Variants in NDUFA11 observed in about 807,000 individuals in gnomAD.
NDUFA11 encodes the protein NADH dehydrogenase [ubiquinone] 1 alpha subcomplex subunit 11.
Under a neutral mutation model 11.3 loss-of-function variants are expected in NDUFA11, and 14 were observed. The ratio of observed to expected loss-of-function variants is 1.24; its 90% CI spans 0.82 to 1.94. The LOEUF (loss-of-function observed/expected upper bound fraction) is 1.94. NDUFA11 is among the 30% of genes most tolerant of loss of function. NDUFA11 has a pLI of 0.00. For synonymous variants in NDUFA11, 87 were observed against 85.6 expected (o/e 1.02, Z -0.09); for missense variants, 204 against 200.3 (o/e 1.02, Z -0.11).
At chr19:5,902,176 C>T (rs569048472) in intron 1 of NDUFA11, among the ~76,000 whole-genome samples, 209 of 151,884 alleles carry the variant, frequency 1.4e-3, no homozygotes, top group Non-Finnish European at 2.3e-3. Flanking sequence ...GGGGTTTCAC[C>T]GTGTTAGCCA....
Position 5,896,722 on chromosome 19 carries a change from T to C in NDUFA11, c.191-147A>G, listed in dbSNP as rs2057612158. 1 of 1,310,190 alleles carries C rather than the reference T, an allele frequency of 7.6e-7. No homozygotes were observed. Among genetic ancestry groups the C allele is most frequent in the African/African-American group, 1.5e-5 (1 of 68,622 alleles). 81.2% of individuals were successfully genotyped at this position (1,310,190 alleles called of 1,614,324 possible). On this transcript the variant is annotated intron_variant, in intron 2 of 3. Coordinates refer to ENST00000308961, the MANE Select transcript of NDUFA11 (RefSeq NM_175614.5). This position sits in a 1 kb window ranked among gnomAD's most constrained non-coding sequence, Gnocchi z 5.8. ...AGCCTCCTGGCCCCAGTCCTGGAGC[T>C]GTTCTCCTGGGCCTCCCCACCCTAC... is the stretch of plus-strand genomic sequence containing the variant.
At chr19:5,901,966 C>G (rs1390302252) in intron 1 of NDUFA11, among the ~76,000 whole-genome samples, 6 of 149,340 alleles carry the variant, frequency 4.0e-5, no homozygotes, top group African/African-American at 9.9e-5. Flanking sequence ...CCACCGCGCC[C>G]GGCTGGTTTT....
At chr19:5,893,313 C>T, downstream of NDUFA11, 4 of 1,022,402 alleles carry the variant, frequency 3.9e-6, no homozygotes, top group South Asian at 4.3e-5. This position sits in a 1 kb window ranked among gnomAD's most constrained non-coding sequence, Gnocchi z 4.1. Context: ...AAAATAAAAA[C>T]AATTAGCTGG....
Position 5,903,739 on chromosome 19 carries a change from C to A in NDUFA11, c.-31G>T, listed in dbSNP as rs886054648. On this transcript the variant is annotated 5_prime_UTR_variant, in exon 1 of 4. Transcript: ENST00000308961. ...GCAATCTCGATCCCGCACCACGGAC[C>A]CCGCCAGCTCGGGAAGCGCAAGGGC... is the stretch of plus-strand genomic sequence containing the variant. 3.9e-6 allele frequency: 6 copies of A among 1,548,622 alleles called. No homozygotes were observed. The Admixed American group carries it at 7.8e-5, about 20-fold the overall frequency.
At position 5,894,832 on chromosome 19, in the gene NDUFA11, G is replaced by A. The variant is rs765116887; in HGVS notation, c.336C>T (p.Ala112=). ...GARTHNYGIG[A]AACVYFGIAA... is the part of the protein sequence containing the mutation. ...CTATGCCAAAGTACACGCAGGCGGC[G>A]GCGCCAATCCCGTAGTTGTGCGCTG... is the stretch of plus-strand genomic sequence containing the variant. Residue 112 remains alanine (A), a synonymous_variant, in exon 4 of 4, where the codon GCC becomes GCT. Transcript: ENST00000308961. 7.4e-6 allele frequency: 12 copies of A among 1,611,396 alleles called. No individual in the cohort carries two copies. The highest frequency in any genetic ancestry group is 2.2e-5 in the East Asian group (1 of 44,742).
intron 1 of NDUFA11, among the ~76,000 whole-genome samples, chr19:5,900,910 C>CA (rs1305134254): frequency 0.012 from 597 of 50,770 alleles, 2 homozygotes; most frequent in Middle Eastern, 0.021. Flanking sequence ...GACTCCGTCT[C>CA]AAAAAAAAAA....
In NDUFA11 at chr19:5,898,980, T is replaced by C. The variant is rs182687531; in HGVS notation, c.98-1983A>G. ...TGCTACTGCATCCACGGTAAGGGAC[T>C]GGAGTCCAGTACAGCCGTCCCCCCA... On this transcript the variant is annotated intron_variant, in intron 1 of 3. Transcript: ENST00000308961. Among the ~76,000 whole-genome samples, 917 of 151,408 alleles carry C rather than the reference T, an allele frequency of 6.1e-3. 7 individuals are homozygous for C. Among genetic ancestry groups the C allele is most frequent in the South Asian group, 0.041 (194 of 4,786 alleles).
intron 1 of NDUFA11, among the ~76,000 whole-genome samples, chr19:5,898,190 G>A (rs1568431477): frequency 6.6e-6 from 1 of 152,060 alleles, no homozygotes; most frequent in Admixed American, 6.6e-5. Flanking sequence ...GAGCCTGGAC[G>A]CCAGGCAGGT....
rs73920085 is a variant in NDUFA11, at chr19:5,900,458, C to T, written c.97+3154G>A. ...TGGGCTCTGCTGAGTATAGTCTCCC[C>T]GCCGTCCAGGGTCCCCAACTCAGGG... On this transcript the variant is annotated intron_variant, in intron 1 of 3. Transcript: ENST00000308961. 1.7e-3 allele frequency among the ~76,000 whole-genome samples: 258 copies of T among 152,282 alleles called. 1 individual carries two copies. The highest frequency in any genetic ancestry group is 5.8e-3 in the African/African-American group (242 of 41,550).
chr19:5,892,913 A>C (rs937333764), downstream of NDUFA11: 1 of 1,437,182 alleles, frequency 7.0e-7, no homozygotes, highest in African/African-American at 1.4e-5. Context: ...GAACAAGGAA[A>C]GAATCAAGTT....
At chr19:5,894,597 TCTCCCTTCCTCA>T, downstream of NDUFA11, 1 of 1,509,230 alleles carries the variant, frequency 6.6e-7, no homozygotes. Context: ...CCTTATCTTA[TCTCCCTTCCTCA>T]CTCCCTCCCA....
downstream of NDUFA11, chr19:5,894,667 C>T (rs1292930890): frequency 6.4e-7 from 1 of 1,564,424 alleles, no homozygotes; most frequent in African/African-American, 1.4e-5. Flanking sequence ...GCCCTCCGGA[C>T]ACTGACACAC....
downstream of NDUFA11, chr19:5,893,096 T>C (rs1414853846): frequency 2.0e-6 from 3 of 1,535,934 alleles, no homozygotes; most frequent in Admixed American, 3.9e-5. This position sits in a 1 kb window ranked among gnomAD's most constrained non-coding sequence, Gnocchi z 4.1. Flanking sequence ...CATGCCCCCC[T>C]TGTGCTGGAA....
In NDUFA11 at chr19:5,896,211, G is replaced by A. The variant is rs1163168778; in HGVS notation, c.313+242C>T. 8.4e-6 allele frequency: 5 copies of A among 595,786 alleles called. No homozygotes were observed. Among genetic ancestry groups the A allele is most frequent in the African/African-American group, 1.9e-5 (1 of 52,796 alleles). 36.9% of individuals were successfully genotyped at this position (595,786 alleles called of 1,614,324 possible). A position where few individuals can be genotyped will look rare whatever the true frequency, so the allele number is the denominator to read the frequency against. On this transcript the variant is annotated intron_variant, in intron 3 of 3. Transcript: ENST00000308961. This position sits in a 1 kb window ranked among gnomAD's most constrained non-coding sequence, Gnocchi z 5.8. Reference sequence around the variant, plus strand: ...GGCATGTGGGAGGAGCAGTGAGGAGGCCCGTGTGGCTGGAGCAGAGTGAGG... The same window carrying A: ...GGCATGTGGGAGGAGCAGTGAGGAGACCCGTGTGGCTGGAGCAGAGTGAGG...
chr19:5,903,672 G>T lies in NDUFA11; in HGVS notation c.37C>A (p.Pro13Thr). 1 of 1,551,542 alleles carries T rather than the reference G, an allele frequency of 6.4e-7. No individual in the cohort carries two copies. The highest frequency in any genetic ancestry group is 8.7e-7 in the Non-Finnish European group (1 of 1,146,916). The change falls in exon 1 of 4, where the codon CCC (proline) becomes ACC (threonine). Residue 13 changes from proline (P) to threonine (T), a missense_variant. Pro to Thr is a conservative substitution (Grantham distance 38). Transcript: ENST00000308961. ...PKVFRQYWDIPDGTDCHRKAY... is the reference protein window; with the variant it reads ...PKVFRQYWDITDGTDCHRKAY... ...TTGCGGTGGCAATCGGTGCCATCGG[G>T]GATATCCCAGTACTGACGAAAAACC...
intron 1 of NDUFA11, among the ~76,000 whole-genome samples, chr19:5,899,711 C>A (rs1205954652): frequency 6.6e-6 from 1 of 152,046 alleles, no homozygotes; most frequent in Admixed American, 6.6e-5. Flanking sequence ...AGGTGATCCA[C>A]CCACCTCAGC....
Position 5,896,591 on chromosome 19 carries a change from G to A in NDUFA11, c.191-16C>T, listed in dbSNP as rs1445937230. The A allele has an allele frequency of 1.9e-6, 3 of 1,559,822 alleles. No individual in the cohort carries two copies. Among genetic ancestry groups the A allele is most frequent in the Admixed American group, 1.9e-5 (1 of 51,728 alleles). ...CCGACAGCAGCTGCGGGGTAGACGGGAAGAGCAAGGGCCTCGAGACGGGCA... is the reference window on the plus strand; with the variant it reads ...CCGACAGCAGCTGCGGGGTAGACGGAAAGAGCAAGGGCCTCGAGACGGGCA... On this transcript the variant is annotated splice_polypyrimidine_tract_variant and intron_variant, in intron 2 of 3. Transcript: ENST00000308961. The surrounding 1 kb of genome is among the most constrained non-coding windows in gnomAD (Gnocchi z 5.8).
chr19:5,895,006 A>G (rs2057598919), intron 3 of NDUFA11, 152 bp from the exon 4 acceptor site: 1 of 865,692 alleles, frequency 1.2e-6, no homozygotes, highest in African/African-American at 1.7e-5. Flanking sequence ...AGAGGGCCCT[A>G]GACTCTGGAG....
At chr19:5,898,136 C>T (rs902636394) in intron 1 of NDUFA11, among the ~76,000 whole-genome samples, 8 of 152,198 alleles carry the variant, frequency 5.3e-5, no homozygotes, top group African/African-American at 1.9e-4. Flanking sequence ...GGTGAAGGGA[C>T]CTCCGAGATG....
Sources: allele counts gnomAD v4.1 joint callset (sites outside exome capture counted in the v4.1 genomes callset), GRCh38; gene constraint gnomAD v4.1.1; non-coding constraint Gnocchi (gnomAD v3.1); transcripts MANE v1.5; gene names NCBI Gene and HGNC (gene_info 2026-07-23, HGNC 2026-07-21).